Variants in HERC4 observed in about 807,000 individuals in gnomAD.
The protein encoded by HERC4 is probable E3 ubiquitin-protein ligase HERC4.
Under a neutral mutation model 124.3 loss-of-function variants are expected in HERC4, and 28 were observed. The ratio of observed to expected loss-of-function variants is 0.23; its 90% CI spans 0.17 to 0.31. The LOEUF is 0.31. Among genes scored for constraint, HERC4 ranks in the 10% least tolerant of loss-of-function variants. HERC4 has a pLI of 1.00. For missense variants in HERC4, 713 were observed against 1,229.3 expected (o/e 0.58, Z 6.28); for synonymous variants, 407 against 421.5 (o/e 0.97, Z 0.42).
Position 67,922,938 on chromosome 10 carries a change from A to G in HERC4, c.3143T>C (p.Leu1048Ser). 1 of 1,603,632 alleles carries G rather than the reference A, an allele frequency of 6.2e-7. No homozygotes were observed. The highest frequency in any genetic ancestry group is 8.5e-7 in the Non-Finnish European group (1 of 1,173,528). ...QAIDHNEGFS[L>S]I ...ATAGTTATAACTCCAAAGTTATATT[A>G]AACTGAAGCCTTCATTGTGATCAAT... The change falls in exon 25 of 25, where the codon TTA becomes TCA. Residue 1048 changes from leucine (L) to serine (S), a missense_variant. Leu to Ser is a moderately radical substitution (Grantham distance 145). Transcript: ENST00000373700.
At chr10:68,026,769 G>A (rs1030098858) in intron 7 of HERC4, among the ~76,000 whole-genome samples, 2 of 152,044 alleles carry the variant, frequency 1.3e-5, no homozygotes, top group Non-Finnish European at 2.9e-5. Flanking sequence ...CCTGAACCCG[G>A]GAGGCAGAGG....
intron 3 of HERC4, chr10:68,070,383 G>T: frequency 3.7e-6 from 2 of 544,796 alleles, no homozygotes; most frequent in Non-Finnish European, 4.7e-6. Flanking sequence ...AAGGCAGGCG[G>T]ATCACCTGAG....
intron 8 of HERC4, among the ~76,000 whole-genome samples, chr10:68,015,016 A>G (rs528876406): frequency 6.6e-6 from 1 of 152,240 alleles, no homozygotes; most frequent in African/African-American, 2.4e-5. Flanking sequence ...AACCATACCC[A>G]TATCTTATGC....
intron 15 of HERC4, among the ~76,000 whole-genome samples, chr10:67,972,948 T>A (rs953588871): frequency 3.3e-5 from 5 of 152,224 alleles, no homozygotes; most frequent in African/African-American, 1.2e-4. Flanking sequence ...CTACTGCTGT[T>A]ACACAGAAAA....
chr10:67,978,882 C>T (rs1010315976), intron 15 of HERC4, among the ~76,000 whole-genome samples: 2 of 152,182 alleles, frequency 1.3e-5, no homozygotes, highest in Admixed American at 1.3e-4. Context: ...AAGGCAGTAC[C>T]TTTATGAGTC....
At chr10:67,941,135 T>C in intron 19 of HERC4, 30 bp from the exon 20 acceptor site, 1 of 1,407,864 alleles carries the variant, frequency 7.1e-7, no homozygotes, top group Admixed American at 2.6e-5. Flanking sequence ...TAAACACATG[T>C]CCTCCAAGTT....
intron 24 of HERC4, among the ~76,000 whole-genome samples, chr10:67,923,365 GT>G (rs1340413988): frequency 6.6e-6 from 1 of 152,162 alleles, no homozygotes; most frequent in African/African-American, 2.4e-5. Flanking sequence ...CACAAAGGAA[GT>G]GCTTAATAAA....
At chr10:67,959,161 C>G (rs756783478) in intron 16 of HERC4, 8 of 1,570,984 alleles carry the variant, frequency 5.1e-6, no homozygotes, top group Non-Finnish European at 6.0e-6. Flanking sequence ...CAGAATATAA[C>G]AATAACGAGG....
chr10:68,021,091 G>A (rs2038597277), intron 8 of HERC4, among the ~76,000 whole-genome samples: 1 of 152,098 alleles, frequency 6.6e-6, no homozygotes, highest in African/African-American at 2.4e-5. Context: ...ACATCCATAA[G>A]CCCCAATGAA....
intron 15 of HERC4, among the ~76,000 whole-genome samples, chr10:67,981,216 T>TGTTA (rs1416355905): frequency 5.9e-5 from 9 of 152,176 alleles, no homozygotes; most frequent in African/African-American, 2.2e-4. Flanking sequence ...CCCATGCCAG[T>TGTTA]GTTAGCCAAA....
intron 7 of HERC4, among the ~76,000 whole-genome samples, chr10:68,027,487 T>C (rs974179606): frequency 3.3e-5 from 5 of 152,240 alleles, no homozygotes; most frequent in South Asian, 4.1e-4. Context: ...CAAAAGTATA[T>C]AACCACCATA....
chr10:67,941,232 T>A (rs1262371165), intron 19 of HERC4, 127 bp from the exon 20 acceptor site: 12 of 583,730 alleles, frequency 2.1e-5, no homozygotes, highest in Non-Finnish European at 2.8e-5. Context: ...CAAAAGTTCA[T>A]CCTCATTACT....
At chr10:67,955,352 T>C in intron 17 of HERC4, 1 of 435,038 alleles carries the variant, frequency 2.3e-6, no homozygotes, top group Non-Finnish European at 4.0e-6. Context: ...GTATAACTCA[T>C]AACACCATTA....
At chr10:67,974,073 T>TATACACACACACACAC (rs1382393611) in intron 15 of HERC4, among the ~76,000 whole-genome samples, 1 of 96,062 alleles carries the variant, frequency 1.0e-5, no homozygotes, top group African/African-American at 4.1e-5. Flanking sequence ...AAAATTACTG[T>TATACACACACACACAC]ACACACACAC....
chr10:68,044,916 G>GA (rs565746172), intron 3 of HERC4, among the ~76,000 whole-genome samples: 118 of 146,802 alleles, frequency 8.0e-4, no homozygotes, highest in South Asian at 8.6e-4. Context: ...GAGTCCAGGT[G>GA]AAAAAAAAAA....
chr10:68,068,430 T>C (rs2041402079), intron 3 of HERC4: 1 of 137,960 alleles, frequency 7.2e-6, no homozygotes, highest in Admixed American at 8.6e-5. Context: ...GAGGCTGCAG[T>C]GAGCAGAGAT....
chr10:67,986,198 T>C (rs2036250020), intron 15 of HERC4, among the ~76,000 whole-genome samples: 1 of 152,194 alleles, frequency 6.6e-6, no homozygotes, highest in Non-Finnish European at 1.5e-5. Context: ...GTCATACCAG[T>C]ATCATCCTGC....
chr10:67,969,986 T>C (rs766526113), intron 15 of HERC4, among the ~76,000 whole-genome samples: 2 of 151,918 alleles, frequency 1.3e-5, no homozygotes, highest in Non-Finnish European at 2.9e-5. Context: ...CTCTAAGGAG[T>C]AGGCATGCAA....
chr10:68,002,752 C>T (rs987822870), intron 9 of HERC4, among the ~76,000 whole-genome samples: 4 of 152,006 alleles, frequency 2.6e-5, no homozygotes, highest in Admixed American at 1.3e-4. Flanking sequence ...GTGTCTGCCA[C>T]CACACCCAGC....
Sources: gnomAD v4.1 joint callset for allele counts (sites outside exome capture counted in the v4.1 genomes callset) on GRCh38, gnomAD v4.1.1 for gene constraint, MANE v1.5 for transcripts, NCBI Gene and HGNC (gene_info 2026-07-23, HGNC 2026-07-21) for gene names.